Variants in PLEK observed in about 807,000 individuals in gnomAD.
The protein encoded by PLEK is pleckstrin.
A neutral mutation model predicts 43.9 loss-of-function variants in PLEK; 25 were observed. The observed-to-expected ratio is 0.57, with a 90% CI of 0.41 to 0.79. PLEK has a LOEUF of 0.79. Among genes scored for constraint, PLEK ranks in the 30% least tolerant of loss-of-function variants. The pLI, the probability that PLEK is intolerant of heterozygous loss-of-function variation, is 0.00. For synonymous variants in PLEK, 152 were observed against 144.4 expected, an observed-to-expected ratio of 1.05 and a Z score of -0.38; for missense variants, 396 against 413.3, an observed-to-expected ratio of 0.96 and a Z score of 0.36.
chr2:68,395,407 A>G (rs1160348750), intron 8 of PLEK, among the ~76,000 whole-genome samples: 1 of 152,130 alleles, frequency 6.6e-6, no homozygotes, highest in East Asian at 1.9e-4. Flanking sequence ...CCTGTAAACT[A>G]TGAAAGAAAA....
intron 5 of PLEK, among the ~76,000 whole-genome samples, chr2:68,386,912 C>T (rs1417956757): frequency 1.3e-5 from 2 of 152,052 alleles, no homozygotes; most frequent in Non-Finnish European, 2.9e-5. Flanking sequence ...TCGCCCTGTC[C>T]AAGTGAATTT....
At chr2:68,394,287 A>G in intron 8 of PLEK, 111 bp downstream of exon 8, 1 of 768,326 alleles carries the variant, frequency 1.3e-6, no homozygotes, top group Non-Finnish European at 2.4e-6. Context: ...ATAAGCAGGA[A>G]TGGGGCAGGC....
At chr2:68,368,696 C>T (rs997334330) in intron 1 of PLEK, among the ~76,000 whole-genome samples, 5 of 152,186 alleles carry the variant, frequency 3.3e-5, no homozygotes, top group African/African-American at 9.7e-5. Context: ...TGTTCATCAT[C>T]ATAACTGGAA....
At chr2:68,383,297 A>T (rs913363040) in intron 4 of PLEK, among the ~76,000 whole-genome samples, 2 of 152,160 alleles carry the variant, frequency 1.3e-5, no homozygotes, top group African/African-American at 4.8e-5. Context: ...TGCAAGCTCA[A>T]GTGGTTATTG....
chr2:68,374,933 C>G (rs567627076), intron 1 of PLEK, among the ~76,000 whole-genome samples: 1 of 152,106 alleles, frequency 6.6e-6, no homozygotes, highest in Non-Finnish European at 1.5e-5. Context: ...TATTCCTTCT[C>G]CTGTTGATGG....
chr2:68,394,041 A>G, intron 7 of PLEK, 66 bp from the exon 8 acceptor site: 1 of 1,034,090 alleles, frequency 9.7e-7, no homozygotes, highest in East Asian at 2.4e-5. Context: ...CTTTTTCACC[A>G]AGAGGATGAG....
At chr2:68,374,775 C>A (rs1673471655) in intron 1 of PLEK, among the ~76,000 whole-genome samples, 1 of 152,114 alleles carries the variant, frequency 6.6e-6, no homozygotes, top group African/African-American at 2.4e-5. Flanking sequence ...CATGTTTTGC[C>A]TGTTTGCTTT....
intron 6 of PLEK, 67 bp from the exon 7 acceptor site, chr2:68,393,095 G>A (rs1211733249): frequency 3.4e-6 from 3 of 893,848 alleles, no homozygotes; most frequent in African/African-American, 3.3e-5. Context: ...TATTCTGTAG[G>A]TATTGTTTGT....
At position 68,373,189 on chromosome 2, in the gene PLEK, TA is replaced by T. The variant is rs574864225; in HGVS notation, c.43-7138del. 2.9e-3 allele frequency among the ~76,000 whole-genome samples: 448 copies of T among 152,186 alleles called. 1 individual carries two copies. The highest frequency in any genetic ancestry group is 0.01 in the African/African-American group (419 of 41,512). On this transcript the variant is annotated intron_variant, in intron 1 of 8. Coordinates refer to ENST00000234313, the MANE Select transcript of PLEK (RefSeq NM_002664.3). ...CCGAGTGAGAAACTGGTAGCTGCAG[TA>T]GTGGTGAAGAGGAGAGAAAAACCTC...
chr2:68,380,528 C>T (rs1312567684), intron 2 of PLEK, 45 bp downstream of exon 2: 1 of 1,585,130 alleles, frequency 6.3e-7, no homozygotes, highest in South Asian at 1.1e-5. Context: ...GTCAGGCACT[C>T]AACTTTTGGT....
At chr2:68,375,512 G>C (rs1037432448) in intron 1 of PLEK, among the ~76,000 whole-genome samples, 3 of 152,204 alleles carry the variant, frequency 2.0e-5, no homozygotes, top group Non-Finnish European at 4.4e-5. Flanking sequence ...TTTAAAAGGG[G>C]AAATAATCCA....
chr2:68,393,952 T>C (rs1673909488), intron 7 of PLEK, among the ~76,000 whole-genome samples, 155 bp from the exon 8 acceptor site: 1 of 152,194 alleles, frequency 6.6e-6, no homozygotes, highest in African/African-American at 2.4e-5. Context: ...GGACCTTAGA[T>C]CTGTCAGCAG....
rs534997243 is a variant in PLEK at position 68,396,609 on chromosome 2, G to C, written c.*793G>C. On this transcript the variant is annotated 3_prime_UTR_variant, in exon 9 of 9. Transcript: ENST00000234313. ...CCACTCTGGTTTTAGGCTGATCTGA[G>C]AGGGTCTCCCTTTGTTCCTTTCTGG... The C allele has an allele frequency of 6.6e-6, 1 of 152,140 alleles. No individual in the cohort carries two copies. Among genetic ancestry groups the C allele is most frequent in the African/African-American group, 2.4e-5 (1 of 41,408 alleles). 9.4% of individuals were successfully genotyped at this position (152,140 alleles called of 1,614,324 possible).
intron 1 of PLEK, 122 bp downstream of exon 1, chr2:68,365,515 A>T: frequency 1.3e-6 from 1 of 796,640 alleles, no homozygotes; most frequent in East Asian, 2.6e-5. Flanking sequence ...GGGTTGAAAT[A>T]GGGGAGCGTG....
intron 3 of PLEK, among the ~76,000 whole-genome samples, chr2:68,381,922 T>C (rs1482256924): frequency 2.0e-5 from 3 of 152,336 alleles, no homozygotes; most frequent in Middle Eastern, 3.4e-3. Context: ...GCTCGGGCTA[T>C]AGGGAGCCAC....
intron 1 of PLEK, among the ~76,000 whole-genome samples, chr2:68,367,816 G>A (rs939817977): frequency 1.3e-5 from 2 of 152,150 alleles, no homozygotes; most frequent in African/African-American, 4.8e-5. Flanking sequence ...TAGAAGCCTT[G>A]GCTATGGTTT....
intron 1 of PLEK, among the ~76,000 whole-genome samples, chr2:68,376,821 A>G (rs1345760045): frequency 6.6e-6 from 1 of 152,168 alleles, no homozygotes; most frequent in Non-Finnish European, 1.5e-5. Flanking sequence ...TAAGTTGGCA[A>G]TAGTCACACT....
At chr2:68,388,809 G>A (rs930024000) in intron 6 of PLEK, among the ~76,000 whole-genome samples, 1 of 152,116 alleles carries the variant, frequency 6.6e-6, no homozygotes, top group Non-Finnish European at 1.5e-5. Flanking sequence ...AAAAGACAAA[G>A]CTGTCTCATG....
chr2:68,389,856 C>T (rs1357717949), intron 6 of PLEK, among the ~76,000 whole-genome samples: 2 of 152,084 alleles, frequency 1.3e-5, no homozygotes, highest in African/African-American at 4.8e-5. Flanking sequence ...TTCCTATGTT[C>T]CTGGCTCTTT....
Sources: gnomAD v4.1 joint callset for allele counts (sites outside exome capture counted in the v4.1 genomes callset) on GRCh38, gnomAD v4.1.1 for gene constraint, MANE v1.5 for transcripts, NCBI Gene and HGNC (gene_info 2026-07-23, HGNC 2026-07-21) for gene names.